Variants in STAG1 observed in about 807,000 individuals in gnomAD.
STAG1 encodes the protein STAG1 cohesin complex component, also known as cohesin subunit SA-1.
A neutral mutation model predicts 170.9 loss-of-function variants in STAG1; 26 were observed. That is an observed-to-expected ratio of 0.15 (90% CI 0.11 to 0.21). The LOEUF is 0.21. STAG1 is among the 10% of genes least tolerant of loss of function. The pLI is 1.00. For synonymous variants in STAG1, 514 were observed against 497.7 expected, an observed-to-expected ratio of 1.03 and a Z score of -0.44; for missense variants, 964 against 1,509.5, an observed-to-expected ratio of 0.64 and a Z score of 5.99.
At chr3:136,660,101 C>T (rs1015503208) in intron 1 of STAG1, among the ~76,000 whole-genome samples, 1 of 152,220 alleles carries the variant, frequency 6.6e-6, no homozygotes, top group Non-Finnish European at 1.5e-5. Context: ...ATACATACTT[C>T]ACAGATACAT....
intron 1 of STAG1, among the ~76,000 whole-genome samples, chr3:136,668,400 T>TTTATA (rs1941877915): frequency 3.4e-5 from 5 of 146,166 alleles, no homozygotes; most frequent in Non-Finnish European, 7.5e-5. Flanking sequence ...AAATATATAT[T>TTTATA]ATGTATAATA....
At chr3:136,496,681 T>G (rs893858001) in intron 9 of STAG1, among the ~76,000 whole-genome samples, 1 of 152,122 alleles carries the variant, frequency 6.6e-6, no homozygotes. Flanking sequence ...GTAAATTCCC[T>G]TATTAGAAAA....
intron 1 of STAG1, among the ~76,000 whole-genome samples, chr3:136,751,804 C>CGGGCGGGGGGG (rs1935262283): frequency 8.3e-6 from 1 of 121,068 alleles, no homozygotes; most frequent in African/African-American, 3.8e-5. Context: ...CCCGAGAGCC[C>CGGGCGGGGGGG]GGGCGGGGGG....
At chr3:136,716,360 G>C (rs1366683597) in intron 1 of STAG1, among the ~76,000 whole-genome samples, 1 of 152,042 alleles carries the variant, frequency 6.6e-6, no homozygotes, top group Non-Finnish European at 1.5e-5. Context: ...CTACTCGGGA[G>C]GCTGAGACAG....
In STAG1 at chr3:136,455,101, AC is replaced by A. The variant is rs756243588; in HGVS notation, c.1314-2955del. Among the ~76,000 whole-genome samples, 132 of 152,236 alleles carry A rather than the reference AC, an allele frequency of 8.7e-4. 2 individuals are homozygous for A. Among genetic ancestry groups the A allele is most frequent in the Non-Finnish European group, 1.0e-3 (71 of 68,040 alleles). ...GAATTGGCTTGATTTTCACAAAGAA[AC>A]AAAAACTAATGGAGGCTTATCCTTC... On this transcript the variant is annotated intron_variant, in intron 13 of 33. Transcript: ENST00000383202.
intron 9 of STAG1, among the ~76,000 whole-genome samples, chr3:136,499,195 G>C (rs1933329720): frequency 6.6e-6 from 1 of 152,114 alleles, no homozygotes; most frequent in Non-Finnish European, 1.5e-5. Context: ...GTATTTCTTT[G>C]TTTTGTTTTA....
intron 29 of STAG1, among the ~76,000 whole-genome samples, chr3:136,346,690 CTGACT>C (rs1936233694): frequency 6.6e-6 from 1 of 152,182 alleles, no homozygotes; most frequent in Non-Finnish European, 1.5e-5. Flanking sequence ...GTGCCAGAGA[CTGACT>C]TAAGTGCTTT....
chr3:136,426,932 C>T (rs577953014), intron 16 of STAG1, among the ~76,000 whole-genome samples: 85 of 151,974 alleles, frequency 5.6e-4, no homozygotes, highest in African/African-American at 1.8e-3. Flanking sequence ...CCAGGTGTGG[C>T]GCCTGTAGTC....
Position 136,630,926 on chromosome 3 carries a change from CA to C in STAG1, c.-29del. 6.4e-7 allele frequency: 1 copy of C among 1,558,882 alleles called. No homozygotes were observed. Among genetic ancestry groups the C allele is most frequent in the Non-Finnish European group, 8.7e-7 (1 of 1,150,204 alleles). ...CTGGAGAGGTCCTTTCACAATGCAG[CA>C]AAATAATCAAGTGCTGTACAACTCA... On this transcript the variant is annotated 5_prime_UTR_variant, in exon 2 of 34. Coordinates refer to ENST00000383202, the MANE Select transcript of STAG1 (RefSeq NM_005862.3).
intron 1 of STAG1, among the ~76,000 whole-genome samples, chr3:136,725,554 A>G (rs1173268027): frequency 6.6e-6 from 1 of 152,270 alleles, no homozygotes; most frequent in East Asian, 1.9e-4. Flanking sequence ...TTGCAAAGCA[A>G]CAGTAAAGTG....
chr3:136,549,485 G>A (rs1486560107), intron 5 of STAG1, among the ~76,000 whole-genome samples: 1 of 151,950 alleles, frequency 6.6e-6, no homozygotes, highest in East Asian at 1.9e-4. Flanking sequence ...ATTTTTTGTA[G>A]AGACAGGGTT....
At position 136,646,778 on chromosome 3, in the gene STAG1, T is replaced by C. The variant is rs547724632; in HGVS notation, c.-83-15797A>G. Among the ~76,000 whole-genome samples, 64 of 152,134 alleles carry C rather than the reference T, an allele frequency of 4.2e-4. 1 individual carries two copies. In the South Asian group the frequency reaches 9.1e-3, roughly 22 times the overall value. On this transcript the variant is annotated intron_variant, in intron 1 of 33. Transcript: ENST00000383202. ...AAAAGTAGCTGGGCATGGTGGTGCATGCCTGTAATCCCAGCTACTCGGGAG... is the reference window on the plus strand; with the variant it reads ...AAAAGTAGCTGGGCATGGTGGTGCACGCCTGTAATCCCAGCTACTCGGGAG...
chr3:136,740,728 C>T (rs958368791), intron 1 of STAG1, among the ~76,000 whole-genome samples: 10 of 152,146 alleles, frequency 6.6e-5, no homozygotes, highest in African/African-American at 2.4e-4. Flanking sequence ...TGATCGCCCG[C>T]CCCAGCCTCC....
chr3:136,725,760 G>A (rs1454313723), intron 1 of STAG1, among the ~76,000 whole-genome samples: 1 of 152,138 alleles, frequency 6.6e-6, no homozygotes, highest in Non-Finnish European at 1.5e-5. Flanking sequence ...ACAGCATGAG[G>A]TTACTGCTTC....
chr3:136,680,941 A>G (rs1468076206), intron 1 of STAG1, among the ~76,000 whole-genome samples: 1 of 149,276 alleles, frequency 6.7e-6, no homozygotes, highest in Non-Finnish European at 1.5e-5. Flanking sequence ...TGCCTTATAT[A>G]AAATGATGTA....
chr3:136,360,699 C>T (rs1044775119), intron 26 of STAG1, among the ~76,000 whole-genome samples: 1 of 151,976 alleles, frequency 6.6e-6, no homozygotes, highest in Non-Finnish European at 1.5e-5. Context: ...TGAGGAGTCT[C>T]GCTCTGTCAC....
intron 31 of STAG1, 77 bp downstream of exon 31, chr3:136,341,361 CAAA>C: frequency 1.0e-6 from 1 of 955,918 alleles, no homozygotes; most frequent in Non-Finnish European, 1.7e-6. Context: ...GACCAAACAT[CAAA>C]GAAACCCAAG....
intron 21 of STAG1, among the ~76,000 whole-genome samples, chr3:136,409,615 CTG>C (rs2087570578): frequency 6.6e-6 from 1 of 152,120 alleles, no homozygotes; most frequent in African/African-American, 2.4e-5. Context: ...AGGATTACAG[CTG>C]TGAGTCACTG....
chr3:136,391,636 A>G (rs2108328460), intron 22 of STAG1, among the ~76,000 whole-genome samples: 1 of 152,318 alleles, frequency 6.6e-6, no homozygotes, highest in South Asian at 2.1e-4. Context: ...CGGCCTCCCA[A>G]AGTGCTGGGA....
Sources: gnomAD v4.1 joint callset for allele counts (sites outside exome capture counted in the v4.1 genomes callset) on GRCh38, gnomAD v4.1.1 for gene constraint, MANE v1.5 for transcripts, NCBI Gene and HGNC (gene_info 2026-07-23, HGNC 2026-07-21) for gene names.